STK3: variants seen among roughly 807,000 people sequenced by gnomAD.
The protein encoded by STK3 is serine/threonine-protein kinase 3.
In STK3, 41 loss-of-function variants were observed where a neutral mutation model predicts 58.0. The observed-to-expected ratio is 0.71, with a 90% CI of 0.55 to 0.92. The LOEUF is 0.92. Among genes scored for constraint, STK3 ranks in the 40% least tolerant of loss-of-function variants. The probability of loss-of-function intolerance (pLI) is 0.00; values close to 1 mark genes in which losing one functional copy is unlikely to be tolerated. For missense variants in STK3, 479 were observed against 602.7 expected, an observed-to-expected ratio of 0.79 and a Z score of 2.15; for synonymous variants, 170 against 191.0, an observed-to-expected ratio of 0.89 and a Z score of 0.91.
In STK3 at chr8:98,809,446, T is replaced by C. The variant is rs140946567; in HGVS notation, c.26+16069A>G. Among the ~76,000 whole-genome samples, 14 of 152,282 alleles carry C rather than the reference T, an allele frequency of 9.2e-5. No individual in the cohort carries two copies. The East Asian group carries it at 2.1e-3, about 23-fold the overall frequency. ...TTTGGTGTCAGAAGTCTTATAAGTG[T>C]AGAAAAAGTTTTTTATCATCTCCAA... On this transcript the variant is annotated intron_variant, in intron 1 of 10. Transcript: ENST00000419617.
intron 1 of STK3, among the ~76,000 whole-genome samples, chr8:98,803,083 G>A (rs1038180644): frequency 3.3e-5 from 5 of 152,056 alleles, no homozygotes; most frequent in Non-Finnish European, 5.9e-5. Flanking sequence ...TTCTCTCTAC[G>A]CTTTTGTTTC....
At chr8:98,502,900 G>A (rs1360488729) in intron 10 of STK3, among the ~76,000 whole-genome samples, 2 of 152,168 alleles carry the variant, frequency 1.3e-5, no homozygotes, top group African/African-American at 4.8e-5. Context: ...TTTGGTATCA[G>A]GATGATGCTG....
chr8:98,658,091 T>C (rs1009256719), intron 6 of STK3, among the ~76,000 whole-genome samples: 1 of 152,056 alleles, frequency 6.6e-6, no homozygotes, highest in African/African-American at 2.4e-5. Context: ...TCTTTATATG[T>C]CAGTATATCT....
intron 1 of STK3, among the ~76,000 whole-genome samples, chr8:98,895,257 T>C (rs1030543812): frequency 6.6e-6 from 1 of 152,308 alleles, no homozygotes; most frequent in South Asian, 2.1e-4. Flanking sequence ...TCTGGTTTGA[T>C]GGGCCTGAGG....
chr8:98,805,465 C>T, intron 1 of STK3, among the ~76,000 whole-genome samples: 1 of 152,048 alleles, frequency 6.6e-6, no homozygotes, highest in South Asian at 2.1e-4. Flanking sequence ...ATCCCAGCTA[C>T]TCGGGAGGCT....
chr8:98,850,723 A>T (rs755823294), intron 3 of STK3, among the ~76,000 whole-genome samples: 55 of 152,218 alleles, frequency 3.6e-4, no homozygotes, highest in Non-Finnish European at 3.2e-4. Context: ...CGTGGTGGGC[A>T]GCAAGAATGA....
At chr8:98,743,571 T>G (rs553191493) in intron 4 of STK3, among the ~76,000 whole-genome samples, 1 of 152,164 alleles carries the variant, frequency 6.6e-6, no homozygotes, top group Non-Finnish European at 1.5e-5. Context: ...TTACACTTTA[T>G]ACAAAAATTA....
chr8:98,528,100 T>A (rs574834882), intron 9 of STK3, among the ~76,000 whole-genome samples: 1 of 152,334 alleles, frequency 6.6e-6, no homozygotes, highest in East Asian at 1.9e-4. Flanking sequence ...CCCTTTTCTC[T>A]ACTTATCATT....
chr8:98,932,845 C>T (rs1656510381), intron 1 of STK3, among the ~76,000 whole-genome samples: 1 of 152,190 alleles, frequency 6.6e-6, no homozygotes, highest in South Asian at 2.1e-4. Flanking sequence ...CTGCTGGAAT[C>T]AAGTCACCAC....
intron 8 of STK3, among the ~76,000 whole-genome samples, chr8:98,549,154 C>A (rs1023030399): frequency 1.3e-5 from 2 of 152,054 alleles, no homozygotes; most frequent in Non-Finnish European, 2.9e-5. Context: ...CACATGGTAA[C>A]TTCATATTTA....
chr8:98,853,645 A>G (rs1032260162), intron 3 of STK3, among the ~76,000 whole-genome samples: 2 of 152,174 alleles, frequency 1.3e-5, no homozygotes, highest in African/African-American at 4.8e-5. Flanking sequence ...AGCCACACTC[A>G]TTTGTGCTCC....
At chr8:98,861,372 T>A (rs948559447) in intron 3 of STK3, among the ~76,000 whole-genome samples, 3 of 143,908 alleles carry the variant, frequency 2.1e-5, no homozygotes, top group Non-Finnish European at 3.0e-5. Flanking sequence ...TTTTTTTTTT[T>A]ACAGAGTCTC....
intron 3 of STK3, chr8:98,427,677 T>A (rs1818257590): frequency 3.8e-6 from 1 of 262,078 alleles, no homozygotes; most frequent in Non-Finnish European, 7.2e-6. Context: ...TGCAGCCCCC[T>A]GGGCGCTCAG....
intron 6 of STK3, chr8:98,597,763 TAC>T (rs1815955175): frequency 1.0e-6 from 1 of 985,124 alleles, no homozygotes; most frequent in Non-Finnish European, 1.2e-6. Flanking sequence ...ACCCGGCTAT[TAC>T]AGTTTTTAAA....
Position 98,675,892 on chromosome 8 carries a change from A to T in STK3, c.684+30575T>A, listed in dbSNP as rs1394072135. On this transcript the variant is annotated intron_variant, in intron 6 of 10. Transcript: ENST00000419617. ...AAAGAAAAAAAAAAGCAGGGACTCA[A>T]ACAGAATATTTGTGTGTCCACATTC... Among the ~76,000 whole-genome samples, 8 of 152,264 alleles carry T rather than the reference A, an allele frequency of 5.3e-5. No homozygotes were observed. The South Asian group carries it at 1.0e-3, about 20-fold the overall frequency.
intron 10 of STK3, among the ~76,000 whole-genome samples, chr8:98,478,572 A>C (rs1237385898): frequency 1.3e-5 from 2 of 152,208 alleles, no homozygotes; most frequent in Admixed American, 1.3e-4. Flanking sequence ...ACTTCAGATG[A>C]CTAAAACTAG....
chr8:98,392,149 C>A (rs1412913955), upstream of STK3, among the ~76,000 whole-genome samples: 2 of 152,156 alleles, frequency 1.3e-5, no homozygotes, highest in African/African-American at 2.4e-5. Context: ...ACTCTTCCCA[C>A]GCCTTTTATT....
intron 6 of STK3, among the ~76,000 whole-genome samples, chr8:98,643,065 A>C (rs1024997517): frequency 1.4e-4 from 21 of 152,066 alleles, no homozygotes; most frequent in African/African-American, 5.1e-4. Context: ...CTCTACAAAA[A>C]TATTTAAAAA....
At chr8:98,920,940 G>T (rs1839535094) in intron 1 of STK3, among the ~76,000 whole-genome samples, 1 of 152,238 alleles carries the variant, frequency 6.6e-6, no homozygotes, top group African/African-American at 2.4e-5. Flanking sequence ...TAATACCTCT[G>T]TTTGAAATAC....
Sources: gnomAD v4.1 joint callset for allele counts (sites outside exome capture counted in the v4.1 genomes callset) on GRCh38, gnomAD v4.1.1 for gene constraint, MANE v1.5 for transcripts, NCBI Gene and HGNC (gene_info 2026-07-23, HGNC 2026-07-21) for gene names.